DLGAP2: variants seen among roughly 807,000 people sequenced by gnomAD.
The protein encoded by DLGAP2 is DLG associated protein 2.
In DLGAP2, 26 loss-of-function variants were observed where a neutral mutation model predicts 100.3. The observed-to-expected ratio is 0.26, with a 90% CI of 0.19 to 0.36. The LOEUF (loss-of-function observed/expected upper bound fraction) is 0.36, where lower values mean the gene tolerates loss of function less well. DLGAP2 is among the 10% of genes least tolerant of loss of function. The pLI, the probability that DLGAP2 is intolerant of heterozygous loss-of-function variation, is 1.00. For missense variants in DLGAP2, 1,858 were observed against 1,453.2 expected, an observed-to-expected ratio of 1.28 and a Z score of -4.53; for synonymous variants, 886 against 630.1, an observed-to-expected ratio of 1.41 and a Z score of -6.08.
chr8:1,199,196 A>C (rs951011912), intron 2 of DLGAP2, among the ~76,000 whole-genome samples: 10 of 152,252 alleles, frequency 6.6e-5, no homozygotes, highest in African/African-American at 2.4e-4. Flanking sequence ...TGAATAGTGT[A>C]GAAATGAGAT....
chr8:974,437 G>A (rs7357450), intron 2 of DLGAP2, among the ~76,000 whole-genome samples: 1,907 of 152,204 alleles, frequency 0.013, 10 homozygotes, highest in Middle Eastern at 0.02. Context: ...ATCCAAAACA[G>A]CAGAAACACA....
At chr8:1,658,123 C>A (rs1179025718) in intron 8 of DLGAP2, among the ~76,000 whole-genome samples, 1 of 151,952 alleles carries the variant, frequency 6.6e-6, no homozygotes, top group East Asian at 1.9e-4. Flanking sequence ...AAAGACTGGC[C>A]CTCCCACCCT....
Position 1,331,260 on chromosome 8 carries a change from A to G in DLGAP2, c.106+72377A>G, listed in dbSNP as rs115402847. ...CTGTGTGCCATAACTAAGGCCGCAA[A>G]TTCCTTCAGAGGTCCTGGAAGCCAC... On this transcript the variant is annotated intron_variant, in intron 3 of 14. Coordinates refer to ENST00000637795, the MANE Select transcript of DLGAP2 (RefSeq NM_001346810.2). Among the ~76,000 whole-genome samples, 259 of 152,268 alleles carry G rather than the reference A, an allele frequency of 1.7e-3. 1 individual carries two copies. The highest frequency in any genetic ancestry group is 5.6e-3 in the African/African-American group (234 of 41,564).
chr8:957,984 C>T (rs1161341301), intron 2 of DLGAP2, among the ~76,000 whole-genome samples: 3 of 152,152 alleles, frequency 2.0e-5, no homozygotes, highest in Admixed American at 6.6e-5. Context: ...CCACTGTCCA[C>T]CTCTGAAACT....
intron 3 of DLGAP2, among the ~76,000 whole-genome samples, chr8:1,442,516 G>A (rs1370183527): frequency 7.6e-6 from 1 of 130,942 alleles, no homozygotes; most frequent in Non-Finnish European, 1.6e-5. Flanking sequence ...GCATAGACCC[G>A]CCAGGCTGCT....
At chr8:891,568 T>G (rs1798036053) in intron 1 of DLGAP2, 1 of 152,544 alleles carries the variant, frequency 6.6e-6, no homozygotes, top group South Asian at 2.1e-4. Flanking sequence ...GCAGGACTGT[T>G]CCATCTCAGA....
intron 1 of DLGAP2, among the ~76,000 whole-genome samples, chr8:835,257 T>C (rs1007547746): frequency 2.0e-5 from 3 of 152,206 alleles, no homozygotes; most frequent in Non-Finnish European, 2.9e-5. Context: ...CTTTTAAATA[T>C]ATGTTTCTCT....
chr8:1,047,912 G>C (rs943865958), intron 2 of DLGAP2, among the ~76,000 whole-genome samples: 6 of 152,170 alleles, frequency 3.9e-5, no homozygotes, highest in African/African-American at 1.4e-4. Flanking sequence ...GTGGCTCTCA[G>C]TTTTATTCCG....
chr8:1,565,704 G>A lies in DLGAP2; in HGVS notation c.1252G>A (p.Gly418Arg), dbSNP rs1244193030. 1 of 1,613,030 alleles carries A rather than the reference G, an allele frequency of 6.2e-7. No homozygotes were observed. Among genetic ancestry groups the A allele is most frequent in the African/African-American group, 1.3e-5 (1 of 75,000 alleles). The change falls in exon 6 of 15, where the codon GGG becomes AGG. Residue 418 changes from glycine (G) to arginine (R), a missense_variant. Transcript: ENST00000637795. Reference protein sequence around the residue: ...YLQVPQDEWGGYPTGGKDEEI... With the variant: ...YLQVPQDEWGRYPTGGKDEEI... ...CCAGGTACCTCAGGATGAGTGGGGA[G>A]GGTACCCCACCGGTGGCAAAGATGA...
chr8:1,484,084 C>T (rs890078325), intron 3 of DLGAP2, among the ~76,000 whole-genome samples: 4 of 152,216 alleles, frequency 2.6e-5, no homozygotes, highest in African/African-American at 7.2e-5. Flanking sequence ...AAGACAAAGC[C>T]GGCTTCCTTC....
chr8:1,269,494 C>G (rs907365870), intron 3 of DLGAP2, among the ~76,000 whole-genome samples: 6 of 152,186 alleles, frequency 3.9e-5, no homozygotes, highest in African/African-American at 1.4e-4. Flanking sequence ...TCTTCTTTGT[C>G]TGTTTATGTG....
At chr8:1,045,583 C>T (rs1212450413) in intron 2 of DLGAP2, among the ~76,000 whole-genome samples, 4 of 152,194 alleles carry the variant, frequency 2.6e-5, no homozygotes, top group Non-Finnish European at 5.9e-5. Flanking sequence ...GCATCAGTCT[C>T]TTGACTTACT....
intron 2 of DLGAP2, among the ~76,000 whole-genome samples, chr8:1,190,648 T>C (rs1027699113): frequency 1.2e-4 from 19 of 152,168 alleles, no homozygotes; most frequent in African/African-American, 4.6e-4. Context: ...GAGTGTGTGG[T>C]TGGCTGGGAG....
intron 8 of DLGAP2, among the ~76,000 whole-genome samples, chr8:1,637,033 C>T (rs1797782772): frequency 1.3e-5 from 2 of 152,184 alleles, no homozygotes; most frequent in Admixed American, 1.3e-4. Flanking sequence ...GGAGGTGCAC[C>T]CCAGAGGAGG....
intron 2 of DLGAP2, among the ~76,000 whole-genome samples, chr8:1,093,363 A>AGACC (rs1184098234): frequency 4.2e-5 from 6 of 144,158 alleles, no homozygotes; most frequent in African/African-American, 1.8e-4. Context: ...ACCAACAGCC[A>AGACC]GAAACACCTT....
chr8:1,182,808 C>T (rs550256062), intron 2 of DLGAP2, among the ~76,000 whole-genome samples: 9 of 152,278 alleles, frequency 5.9e-5, no homozygotes, highest in South Asian at 2.1e-4. Context: ...GTCCACGGGT[C>T]GGCAACTCTG....
chr8:1,120,965 C>T (rs895260018), intron 2 of DLGAP2, among the ~76,000 whole-genome samples: 8 of 151,732 alleles, frequency 5.3e-5, no homozygotes, highest in African/African-American at 1.9e-4. Context: ...AAACCCTGAC[C>T]ACCCATCCTC....
At chr8:1,420,670 C>G (rs929232153) in intron 3 of DLGAP2, among the ~76,000 whole-genome samples, 4 of 152,174 alleles carry the variant, frequency 2.6e-5, no homozygotes, top group East Asian at 1.9e-4. Flanking sequence ...TGCATTCCCT[C>G]TCGCCAAAAT....
intron 2 of DLGAP2, among the ~76,000 whole-genome samples, chr8:908,633 T>G (rs1333657676): frequency 6.6e-6 from 1 of 152,258 alleles, no homozygotes; most frequent in African/African-American, 2.4e-5. Context: ...CAGTCAGGGC[T>G]TGTTATCCTG....
Sources: allele counts gnomAD v4.1 joint callset (sites outside exome capture counted in the v4.1 genomes callset), GRCh38; gene constraint gnomAD v4.1.1; transcripts MANE v1.5; gene names NCBI Gene and HGNC (gene_info 2026-07-23, HGNC 2026-07-21).